The following CADPS2 variants were observed in gnomAD, a reference collection of about 807,000 sequenced individuals.
The protein encoded by CADPS2 is calcium dependent secretion activator 2.
A neutral mutation model predicts 172.5 loss-of-function variants in CADPS2; 93 were observed. The ratio of observed to expected loss-of-function variants is 0.54; its 90% CI spans 0.46 to 0.64. The LOEUF (loss-of-function observed/expected upper bound fraction) is 0.64. Among genes scored for constraint, CADPS2 ranks in the 30% least tolerant of loss-of-function variants. The pLI is 0.00. For synonymous variants in CADPS2, 546 were observed against 555.2 expected (o/e 0.98, Z 0.23); for missense variants, 1,420 against 1,565.9 (o/e 0.91, Z 1.57).
chr7:122,723,140 A>C (rs2090663399), intron 2 of CADPS2, among the ~76,000 whole-genome samples: 1 of 152,190 alleles, frequency 6.6e-6, no homozygotes, highest in South Asian at 2.1e-4. Flanking sequence ...CATGTCTAAA[A>C]CAACAAAAGC....
intron 6 of CADPS2, among the ~76,000 whole-genome samples, chr7:122,608,653 G>C (rs373138998): frequency 3.4e-4 from 52 of 152,098 alleles, no homozygotes; most frequent in African/African-American, 9.9e-4. Context: ...ATTGCTTCTT[G>C]TCTTTTTATT....
At chr7:122,474,667 TA>T in intron 12 of CADPS2, 150 bp from the exon 13 acceptor site, 1 of 685,288 alleles carries the variant, frequency 1.5e-6, no homozygotes, top group South Asian at 2.6e-5. Flanking sequence ...CATATTAACA[TA>T]AATTGCAAAC....
chr7:122,763,232 G>T (rs1381469100), intron 1 of CADPS2, among the ~76,000 whole-genome samples: 2 of 152,072 alleles, frequency 1.3e-5, no homozygotes, highest in Non-Finnish European at 2.9e-5. Context: ...ATAATATTTG[G>T]ATGTGCATAA....
intron 3 of CADPS2, among the ~76,000 whole-genome samples, chr7:122,632,127 C>A (rs2076633504): frequency 6.6e-6 from 1 of 152,082 alleles, no homozygotes; most frequent in African/African-American, 2.4e-5. Context: ...TATGTTAATA[C>A]CAGGTCTTTG....
chr7:122,591,324 G>C (rs1469311963), intron 6 of CADPS2, among the ~76,000 whole-genome samples: 1 of 151,926 alleles, frequency 6.6e-6, no homozygotes, highest in African/African-American at 2.4e-5. Context: ...CCACTGCTCA[G>C]TGAAATAAAA....
At chr7:122,759,499 T>C (rs539036601) in intron 1 of CADPS2, among the ~76,000 whole-genome samples, 19 of 152,176 alleles carry the variant, frequency 1.2e-4, no homozygotes, top group Non-Finnish European at 2.4e-4. Flanking sequence ...ACAAGTCACA[T>C]TGTAAATAAA....
chr7:122,354,754 G>A (rs1481707105), intron 27 of CADPS2, among the ~76,000 whole-genome samples: 1 of 152,094 alleles, frequency 6.6e-6, no homozygotes, highest in Admixed American at 6.5e-5. Flanking sequence ...TCCAGGTCTT[G>A]CTTTTTCTTT....
chr7:122,604,001 A>G (rs76940452), intron 6 of CADPS2, among the ~76,000 whole-genome samples: 4,982 of 152,226 alleles, frequency 0.033, 262 homozygotes, highest in African/African-American at 0.11. Context: ...ACTTGATTGT[A>G]ATAATCATTA....
At chr7:122,569,157 T>C (rs1424080938) in intron 7 of CADPS2, among the ~76,000 whole-genome samples, 2 of 152,140 alleles carry the variant, frequency 1.3e-5, no homozygotes, top group African/African-American at 4.8e-5. Context: ...AAAATCTCCT[T>C]AAGCTGATAA....
chr7:122,764,370 T>G (rs1562961651), intron 1 of CADPS2, among the ~76,000 whole-genome samples: 1 of 152,174 alleles, frequency 6.6e-6, no homozygotes, highest in Non-Finnish European at 1.5e-5. Flanking sequence ...CAACCATAAT[T>G]GTAGACACAT....
intron 1 of CADPS2, among the ~76,000 whole-genome samples, chr7:122,764,627 A>G (rs2138864465): frequency 6.6e-6 from 1 of 152,208 alleles, no homozygotes; most frequent in East Asian, 1.9e-4. Context: ...GAGGGAGAGG[A>G]AAGAGTGCTA....
intron 17 of CADPS2, among the ~76,000 whole-genome samples, chr7:122,433,333 T>C (rs1398501004): frequency 1.3e-5 from 2 of 152,072 alleles, no homozygotes; most frequent in African/African-American, 4.8e-5. Context: ...CTTCAGAACA[T>C]TCTTAAATTT....
chr7:122,537,975 A>G (rs1163503810), intron 8 of CADPS2, among the ~76,000 whole-genome samples: 1 of 151,850 alleles, frequency 6.6e-6, no homozygotes, highest in African/African-American at 2.4e-5. Context: ...ACTAACATAA[A>G]ATGCAAAAAT....
chr7:122,486,275 T>G (rs1453073144), intron 11 of CADPS2, among the ~76,000 whole-genome samples: 1 of 152,190 alleles, frequency 6.6e-6, no homozygotes, highest in Admixed American at 6.5e-5. Flanking sequence ...ATTGAAAACC[T>G]GGAAAGGATT....
chr7:122,756,322 C>G (rs1382078779), intron 1 of CADPS2, among the ~76,000 whole-genome samples: 1 of 152,142 alleles, frequency 6.6e-6, no homozygotes, highest in Non-Finnish European at 1.5e-5. Flanking sequence ...TATCCTAATA[C>G]TGTAGAACAT....
At chr7:122,550,870 T>A (rs2064193456) in intron 8 of CADPS2, among the ~76,000 whole-genome samples, 1 of 152,146 alleles carries the variant, frequency 6.6e-6, no homozygotes, top group Non-Finnish European at 1.5e-5. Flanking sequence ...TATCTAAGGG[T>A]TAGTTTCTAT....
At chr7:122,561,889 T>C (rs182441848) in intron 7 of CADPS2, among the ~76,000 whole-genome samples, 2 of 152,192 alleles carry the variant, frequency 1.3e-5, no homozygotes, top group Admixed American at 1.3e-4. Flanking sequence ...TATTTGTTGG[T>C]TGGATGATTG....
chr7:122,608,183 T>A (rs917557808), intron 6 of CADPS2, among the ~76,000 whole-genome samples: 2 of 148,378 alleles, frequency 1.3e-5, no homozygotes, highest in African/African-American at 2.5e-5. Flanking sequence ...ACCATTGCAC[T>A]CCAGCCTGGT....
chr7:122,489,674 A>T (rs2058119174), intron 11 of CADPS2, among the ~76,000 whole-genome samples: 1 of 152,174 alleles, frequency 6.6e-6, no homozygotes, highest in Non-Finnish European at 1.5e-5. Context: ...TATTAAGAAC[A>T]ATTCTAGAAG....
Sources: allele counts gnomAD v4.1 joint callset (sites outside exome capture counted in the v4.1 genomes callset), GRCh38; gene constraint gnomAD v4.1.1; transcripts MANE v1.5; gene names NCBI Gene and HGNC (gene_info 2026-07-23, HGNC 2026-07-21).